CALN1: variants seen among roughly 807,000 people sequenced by gnomAD.
CALN1 encodes the protein calcium-binding protein 8.
In CALN1, 17 loss-of-function variants were observed where a neutral mutation model predicts 30.6. The ratio of observed to expected loss-of-function variants is 0.56; its 90% CI spans 0.38 to 0.83. The LOEUF is 0.83. CALN1 is among the 40% of genes least tolerant of loss of function. The pLI is 0.00. For synonymous variants in CALN1, 156 were observed against 131.4 expected, an observed-to-expected ratio of 1.19 and a Z score of -1.28; for missense variants, 291 against 354.9, an observed-to-expected ratio of 0.82 and a Z score of 1.45.
chr7:71,977,468 G>GT (rs1343879201), intron 5 of CALN1, among the ~76,000 whole-genome samples: 1 of 152,092 alleles, frequency 6.6e-6, no homozygotes, highest in Non-Finnish European at 1.5e-5. Context: ...AAATGAAAAC[G>GT]TGAGTTTGAT....
intron 5 of CALN1, among the ~76,000 whole-genome samples, chr7:72,004,486 T>C (rs1799672866): frequency 6.6e-6 from 1 of 152,196 alleles, no homozygotes; most frequent in Non-Finnish European, 1.5e-5. Context: ...GCAGAGTTCT[T>C]AGACTTGACA....
chr7:72,000,557 C>T (rs895518769), intron 5 of CALN1, among the ~76,000 whole-genome samples: 4 of 151,938 alleles, frequency 2.6e-5, no homozygotes, highest in Admixed American at 6.6e-5. Context: ...AAAAAATCTC[C>T]AAGCCTAAAT....
Position 72,428,367 on chromosome 7 carries a change from AT to A in CALN1, c.-225-16093del, listed in dbSNP as rs368444741. Among the ~76,000 whole-genome samples, 827 of 148,434 alleles carry A rather than the reference AT, an allele frequency of 5.6e-3. 4 individuals carry two copies. The highest frequency in any genetic ancestry group is 0.018 in the African/African-American group (714 of 40,484). On this transcript the variant is annotated intron_variant, in intron 1 of 6. Coordinates refer to the CALN1 transcript ENST00000395276. ...TTGGAAGTGAGAAAGGCACAGATTGATTTTTTTTTTGTTTTTATTTTATTTT... is the reference window on the plus strand; with the variant it reads ...TTGGAAGTGAGAAAGGCACAGATTGATTTTTTTTTGTTTTTATTTTATTTT...
At chr7:72,463,556 C>CTTTAT in the CALN1 span, among the ~76,000 whole-genome samples, 19 of 151,928 alleles carry the variant, frequency 1.3e-4, no homozygotes, top group African/African-American at 4.3e-4. Flanking sequence ...GATCTGCCTA[C>CTTTAT]TTTATTTTAT....
intron 2 of CALN1, among the ~76,000 whole-genome samples, chr7:72,292,887 G>C (rs1010687979): frequency 6.6e-6 from 1 of 151,414 alleles, no homozygotes; most frequent in Non-Finnish European, 1.5e-5. Flanking sequence ...GAATTACAGG[G>C]GGCTGGGAAA....
chr7:71,880,314 T>G (rs564758288), intron 5 of CALN1, among the ~76,000 whole-genome samples: 2 of 152,336 alleles, frequency 1.3e-5, no homozygotes, highest in African/African-American at 4.8e-5. Flanking sequence ...TGAAGCTATG[T>G]CCTCTTCCAG....
chr7:72,077,002 T>C (rs1204507506), intron 4 of CALN1, among the ~76,000 whole-genome samples: 1 of 151,930 alleles, frequency 6.6e-6, no homozygotes, highest in Middle Eastern at 3.4e-3. Flanking sequence ...TCTCTGCCTC[T>C]TGCTACAGCA....
chr7:71,790,281 A>C (rs1251948852), intron 6 of CALN1, among the ~76,000 whole-genome samples: 3 of 151,308 alleles, frequency 2.0e-5, no homozygotes, highest in Non-Finnish European at 2.9e-5. Flanking sequence ...AGCAAGCAAG[A>C]AAGAAACGAA....
At chr7:72,267,225 G>A (rs983401089) in intron 3 of CALN1, among the ~76,000 whole-genome samples, 4 of 152,158 alleles carry the variant, frequency 2.6e-5, no homozygotes, top group South Asian at 2.1e-4. Flanking sequence ...CGGCAAAAAC[G>A]GGATAAAACA....
chr7:72,075,411 C>A (rs374516625), intron 4 of CALN1, among the ~76,000 whole-genome samples: 5 of 152,332 alleles, frequency 3.3e-5, no homozygotes, highest in African/African-American at 1.2e-4. Flanking sequence ...AATGCATAGG[C>A]TGGAACATCT....
chr7:72,183,543 T>A (rs1789969422), intron 3 of CALN1, among the ~76,000 whole-genome samples: 1 of 152,116 alleles, frequency 6.6e-6, no homozygotes, highest in Admixed American at 6.5e-5. Flanking sequence ...AGAAGAGGAA[T>A]GAAGGATGAC....
At chr7:72,315,177 C>A (rs952208823) in intron 2 of CALN1, among the ~76,000 whole-genome samples, 1 of 151,654 alleles carries the variant, frequency 6.6e-6, no homozygotes, top group Non-Finnish European at 1.5e-5. Flanking sequence ...ATAATAAACA[C>A]AAAGTTAAAA....
intron 2 of CALN1, among the ~76,000 whole-genome samples, chr7:72,292,526 A>G (rs574995057): frequency 6.6e-6 from 1 of 151,014 alleles, no homozygotes; most frequent in African/African-American, 2.4e-5. Flanking sequence ...TGGCAATAAG[A>G]ATTTCAACAT....
intron 5 of CALN1, among the ~76,000 whole-genome samples, chr7:71,939,542 C>T (rs1377811990): frequency 2.7e-5 from 4 of 149,596 alleles, no homozygotes; most frequent in Non-Finnish European, 4.4e-5. Context: ...CATTGCACTT[C>T]AGCCTGGGTT....
chr7:72,149,555 G>A (rs1787056156), intron 3 of CALN1, among the ~76,000 whole-genome samples: 1 of 152,044 alleles, frequency 6.6e-6, no homozygotes, highest in South Asian at 2.1e-4. Flanking sequence ...CACAAAAACA[G>A]ATTAACACAC....
At chr7:72,030,389 C>A (rs751600571) in intron 4 of CALN1, among the ~76,000 whole-genome samples, 1 of 152,194 alleles carries the variant, frequency 6.6e-6, no homozygotes, top group Non-Finnish European at 1.5e-5. Context: ...AATGAAGACT[C>A]TTCCCTCTAA....
At chr7:72,057,346 C>T (rs1231314393) in intron 4 of CALN1, among the ~76,000 whole-genome samples, 1 of 148,558 alleles carries the variant, frequency 6.7e-6, no homozygotes, top group East Asian at 2.0e-4. Flanking sequence ...ACTAATTTGG[C>T]AATGGCATTT....
intron 5 of CALN1, among the ~76,000 whole-genome samples, chr7:71,936,856 T>C (rs1490492412): frequency 6.6e-6 from 1 of 151,540 alleles, no homozygotes. Flanking sequence ...ACTGTTCTCG[T>C]GGTAGTGAGT....
At chr7:72,069,687 G>A (rs894948306) in intron 4 of CALN1, among the ~76,000 whole-genome samples, 5 of 152,062 alleles carry the variant, frequency 3.3e-5, no homozygotes, top group Non-Finnish European at 7.4e-5. Flanking sequence ...ACTTAAAAAG[G>A]ATTGCAAAGA....
Sources: gnomAD v4.1 joint callset for allele counts (sites outside exome capture counted in the v4.1 genomes callset) on GRCh38, gnomAD v4.1.1 for gene constraint, MANE v1.5 for transcripts, NCBI Gene and HGNC (gene_info 2026-07-23, HGNC 2026-07-21) for gene names.